Variants in KLHL20 observed in about 807,000 individuals in gnomAD.
KLHL20 encodes the protein kelch-like protein 20.
Under a neutral mutation model 69.5 loss-of-function variants are expected in KLHL20, and 29 were observed. The ratio of observed to expected loss-of-function variants is 0.42; its 90% CI spans 0.31 to 0.57. KLHL20 has a LOEUF of 0.57. Ranked by LOEUF, KLHL20 falls within the 20% of genes least tolerant of loss-of-function variation. KLHL20 has a pLI of 0.18. For missense variants in KLHL20, 419 were observed against 776.0 expected, an observed-to-expected ratio of 0.54 and a Z score of 5.47; for synonymous variants, 253 against 265.2, an observed-to-expected ratio of 0.95 and a Z score of 0.45.
At chr1:173,768,147 T>C (rs1206739461) in intron 8 of KLHL20, among the ~76,000 whole-genome samples, 1 of 152,172 alleles carries the variant, frequency 6.6e-6, no homozygotes, top group East Asian at 1.9e-4. Flanking sequence ...GTATAGGACA[T>C]CTTATAAAAA....
intron 2 of KLHL20, among the ~76,000 whole-genome samples, chr1:173,731,543 AATG>A (rs1369473663): frequency 3.2e-4 from 49 of 152,342 alleles, no homozygotes; most frequent in Non-Finnish European, 1.3e-4. Flanking sequence ...AGCCATAAAA[AATG>A]ATGATTTCAT....
chr1:173,760,876 A>G (rs970289646), intron 7 of KLHL20, among the ~76,000 whole-genome samples: 6 of 152,242 alleles, frequency 3.9e-5, no homozygotes, highest in African/African-American at 1.4e-4. Flanking sequence ...AAAGTAAAGT[A>G]ACGGTACCTC....
intron 10 of KLHL20, among the ~76,000 whole-genome samples, chr1:173,780,498 G>A (rs1454598519): frequency 1.3e-5 from 2 of 152,120 alleles, no homozygotes; most frequent in Non-Finnish European, 2.9e-5. Flanking sequence ...ACAGTAGCCA[G>A]GGCCAGGTGC....
chr1:173,756,912 T>C (rs190421801), intron 6 of KLHL20, 64 bp from the exon 7 acceptor site: 8 of 1,471,932 alleles, frequency 5.4e-6, no homozygotes, highest in Middle Eastern at 1.8e-4. Context: ...GTGAAGTTAG[T>C]AGTGAGTGTT....
At chr1:173,757,422 A>G (rs938283713) in intron 7 of KLHL20, among the ~76,000 whole-genome samples, 6 of 152,112 alleles carry the variant, frequency 3.9e-5, no homozygotes, top group Non-Finnish European at 7.4e-5. Flanking sequence ...GACATGCTGC[A>G]TGTCCATTCC....
At chr1:173,755,767 T>C (rs1673523837) in intron 5 of KLHL20, among the ~76,000 whole-genome samples, 156 bp from the exon 6 acceptor site, 1 of 152,238 alleles carries the variant, frequency 6.6e-6, no homozygotes. Context: ...ATTATTGGTT[T>C]CATGTTTGTG....
intron 9 of KLHL20, among the ~76,000 whole-genome samples, chr1:173,775,325 G>C (rs1648384116): frequency 6.6e-6 from 1 of 152,152 alleles, no homozygotes; most frequent in South Asian, 2.1e-4. Flanking sequence ...ATGTAGTCAG[G>C]CTCCCCATTT....
intron 10 of KLHL20, among the ~76,000 whole-genome samples, chr1:173,778,741 A>AG (rs1648647274): frequency 6.6e-6 from 1 of 152,170 alleles, no homozygotes; most frequent in Non-Finnish European, 1.5e-5. Flanking sequence ...TAGATTTTCT[A>AG]ATGTATTGGC....
chr1:173,760,422 G>T (rs1673750442), intron 7 of KLHL20, among the ~76,000 whole-genome samples: 1 of 152,136 alleles, frequency 6.6e-6, no homozygotes, highest in African/African-American at 2.4e-5. Flanking sequence ...TTGTCATCAG[G>T]TTATCCAAAC....
intron 11 of KLHL20, among the ~76,000 whole-genome samples, chr1:173,783,740 C>G (rs1377482908): frequency 2.0e-5 from 3 of 152,022 alleles, no homozygotes; most frequent in Non-Finnish European, 4.4e-5. Flanking sequence ...TTGGGGTGGG[C>G]ACCTGTAATC....
At chr1:173,785,116 A>G in intron 11 of KLHL20, 47 bp from the exon 12 acceptor site, 2 of 1,456,464 alleles carry the variant, frequency 1.4e-6, no homozygotes, top group Non-Finnish European at 1.9e-6. Flanking sequence ...TCTTAGTTGT[A>G]ACATATTTTC....
At chr1:173,728,471 A>G (rs1193180144) in intron 2 of KLHL20, among the ~76,000 whole-genome samples, 1 of 152,234 alleles carries the variant, frequency 6.6e-6, no homozygotes, top group Non-Finnish European at 1.5e-5. Context: ...CACCCATTCC[A>G]AAACTGACCA....
At chr1:173,718,704 G>A (rs561774428) in intron 2 of KLHL20, among the ~76,000 whole-genome samples, 5 of 152,178 alleles carry the variant, frequency 3.3e-5, no homozygotes, top group African/African-American at 1.2e-4. Context: ...CCGTGTAACA[G>A]AGAGAGACCC....
intron 2 of KLHL20, among the ~76,000 whole-genome samples, chr1:173,723,532 A>G (rs1671813291): frequency 6.6e-6 from 1 of 152,184 alleles, no homozygotes; most frequent in African/African-American, 2.4e-5. Context: ...TGTCCTTCTC[A>G]GGAGACTCCT....
At chr1:173,781,753 G>A (rs1353909684) in intron 10 of KLHL20, among the ~76,000 whole-genome samples, 6 of 152,118 alleles carry the variant, frequency 3.9e-5, no homozygotes, top group African/African-American at 9.7e-5. Flanking sequence ...CAGGCATGAG[G>A]TACCATGCCT....
At chr1:173,730,119 A>G (rs980777886) in intron 2 of KLHL20, among the ~76,000 whole-genome samples, 2 of 152,200 alleles carry the variant, frequency 1.3e-5, no homozygotes, top group African/African-American at 4.8e-5. Flanking sequence ...CCCATTCACA[A>G]TTGCTACAAA....
At chr1:173,746,474 C>T (rs1673064320) in intron 3 of KLHL20, among the ~76,000 whole-genome samples, 1 of 152,032 alleles carries the variant, frequency 6.6e-6, no homozygotes, top group African/African-American at 2.4e-5. Flanking sequence ...TTTCAGGCAT[C>T]AATTTGGGTA....
intron 5 of KLHL20, among the ~76,000 whole-genome samples, chr1:173,753,913 A>T (rs1673420854): frequency 6.6e-6 from 1 of 152,250 alleles, no homozygotes; most frequent in Admixed American, 6.5e-5. Flanking sequence ...AATAAATTAC[A>T]TTCCCAATTT....
chr1:173,779,712 T>TTA (rs1169558798), intron 10 of KLHL20, among the ~76,000 whole-genome samples: 1 of 152,214 alleles, frequency 6.6e-6, no homozygotes, highest in Non-Finnish European at 1.5e-5. Context: ...ATCTACTACC[T>TTA]TATCTAAATT....
Sources: allele counts gnomAD v4.1 joint callset (sites outside exome capture counted in the v4.1 genomes callset), GRCh38; gene constraint gnomAD v4.1.1; transcripts MANE v1.5; gene names NCBI Gene and HGNC (gene_info 2026-07-23, HGNC 2026-07-21).